The following ATAD2B variants were observed in gnomAD, a reference collection of about 807,000 sequenced individuals.
ATAD2B encodes ATPase family AAA domain containing 2B.
In ATAD2B, 40 loss-of-function variants were observed where a neutral mutation model predicts 167.6. That is an observed-to-expected ratio of 0.24 (90% CI 0.19 to 0.31). ATAD2B has a LOEUF of 0.31. Ranked by LOEUF, ATAD2B falls within the 10% of genes least tolerant of loss-of-function variation. The pLI is 1.00. For missense variants in ATAD2B, 1,242 were observed against 1,757.2 expected (o/e 0.71, Z 5.24); for synonymous variants, 579 against 596.5 (o/e 0.97, Z 0.43).
chr2:23,766,252 C>A (rs898191541), intron 22 of ATAD2B, among the ~76,000 whole-genome samples: 2 of 152,122 alleles, frequency 1.3e-5, no homozygotes, highest in African/African-American at 4.8e-5. Flanking sequence ...GGAGCCTCTG[C>A]TTCACACTAA....
intron 2 of ATAD2B, among the ~76,000 whole-genome samples, chr2:23,891,632 G>C (rs1002100605): frequency 6.6e-6 from 1 of 151,568 alleles, no homozygotes; most frequent in Non-Finnish European, 1.5e-5. Flanking sequence ...AGCAGTACAG[G>C]CGTGCACCAC....
chr2:23,807,585 G>A (rs948579994), intron 18 of ATAD2B, among the ~76,000 whole-genome samples: 1 of 151,898 alleles, frequency 6.6e-6, no homozygotes, highest in Non-Finnish European at 1.5e-5. Context: ...GGGAGGCCAA[G>A]GCGGGCAGAT....
the ATAD2B span, among the ~76,000 whole-genome samples, chr2:23,722,111 A>T: frequency 6.6e-6 from 1 of 152,228 alleles, no homozygotes; most frequent in Non-Finnish European, 1.5e-5. Flanking sequence ...ATCTTTCCCT[A>T]TGAAACCTAC....
At chr2:23,691,430 C>G in the ATAD2B span, 1 of 570,514 alleles carries the variant, frequency 1.8e-6, no homozygotes, top group South Asian at 2.1e-5. Flanking sequence ...TGATTTGCAT[C>G]TTTTTTTGCA....
chr2:23,849,570 G>A (rs1002547704), intron 13 of ATAD2B, among the ~76,000 whole-genome samples: 6 of 152,162 alleles, frequency 3.9e-5, no homozygotes, highest in African/African-American at 1.4e-4. Context: ...AGTGGCTCAC[G>A]CCTGTAATCC....
chr2:23,760,327 G>A (rs1420463429), intron 24 of ATAD2B, among the ~76,000 whole-genome samples: 3 of 152,120 alleles, frequency 2.0e-5, no homozygotes, highest in Admixed American at 6.6e-5. Flanking sequence ...CCTGGCATGT[G>A]GCAAGAGTAT....
chr2:23,875,451 A>C (rs72788286), intron 8 of ATAD2B, among the ~76,000 whole-genome samples: 18,614 of 152,102 alleles, frequency 0.12, 1,222 homozygotes, highest in Middle Eastern at 0.22. Context: ...GTGAGCCGAG[A>C]CTGCGCCACT....
intron 1 of ATAD2B, among the ~76,000 whole-genome samples, chr2:23,914,696 G>A (rs927134511): frequency 6.6e-5 from 10 of 151,936 alleles, no homozygotes. Flanking sequence ...AAAAAAATTA[G>A]CCGGGCGAGG....
intron 22 of ATAD2B, among the ~76,000 whole-genome samples, chr2:23,777,229 A>G (rs1679278534): frequency 6.6e-6 from 1 of 152,206 alleles, no homozygotes; most frequent in Non-Finnish European, 1.5e-5. Flanking sequence ...AACTGTGAGA[A>G]AATTAATTTC....
chr2:23,872,480 CT>C, intron 8 of ATAD2B: 1 of 753,600 alleles, frequency 1.3e-6, no homozygotes, highest in Non-Finnish European at 2.4e-6. Flanking sequence ...CATTTCCCCT[CT>C]TTTACCAGGT....
At chr2:23,834,154 T>TTA in intron 13 of ATAD2B, 76 bp from the exon 14 acceptor site, 2 of 448,532 alleles carry the variant, frequency 4.5e-6, no homozygotes, top group Non-Finnish European at 6.3e-6. Context: ...CAGTCTTTCT[T>TTA]TTTTTTTTTT....
rs748730709 is a variant in ATAD2B at position 23,819,858 on chromosome 2, T to C, written c.2156A>G (p.Asp719Gly). ...TGATAAAGCATTTTCATCTTCACTA[T>C]CCTCTAAAATTAAAGTTTCTATATC... ...KEDIETLILE[D>G]SEDENALSIF... is the part of the protein sequence containing the mutation. The change falls in exon 17 of 28, where the codon GAT (aspartate) becomes GGT (glycine). Residue 719 changes from aspartate to glycine, a missense_variant. Asp to Gly is a moderately conservative substitution (Grantham distance 94, BLOSUM62 -1). Transcript: ENST00000238789. The C allele has an allele frequency of 1.3e-6, 2 of 1,583,072 alleles. No individual in the cohort carries two copies. The highest frequency in any genetic ancestry group is 2.2e-5 in the East Asian group (1 of 44,574).
chr2:23,720,016 A>C, the ATAD2B span, among the ~76,000 whole-genome samples: 1 of 152,156 alleles, frequency 6.6e-6, no homozygotes, highest in Non-Finnish European at 1.5e-5. Flanking sequence ...CCTCATTTGA[A>C]AGGGCAGCTC....
chr2:23,709,007 A>T, the ATAD2B span, among the ~76,000 whole-genome samples: 7 of 152,218 alleles, frequency 4.6e-5, no homozygotes, highest in African/African-American at 1.7e-4. Context: ...CTCCAGGAAG[A>T]GGAATACAGG....
chr2:23,844,011 T>C (rs1391408838), intron 13 of ATAD2B, among the ~76,000 whole-genome samples: 1 of 152,176 alleles, frequency 6.6e-6, no homozygotes, highest in Non-Finnish European at 1.5e-5. Context: ...TCATCTCAGC[T>C]CACCGCAACC....
At chr2:23,737,817 T>C in the ATAD2B span, among the ~76,000 whole-genome samples, 1 of 151,976 alleles carries the variant, frequency 6.6e-6, no homozygotes, top group South Asian at 2.1e-4. Flanking sequence ...ATTAGATGAA[T>C]GGATAACTAG....
At chr2:23,794,276 C>CTG (rs1202747035) in intron 19 of ATAD2B, among the ~76,000 whole-genome samples, 2 of 152,244 alleles carry the variant, frequency 1.3e-5, no homozygotes, top group African/African-American at 4.8e-5. Flanking sequence ...TTTCAAAGTG[C>CTG]TGGGATTACA....
chr2:23,813,309 A>ATTT (rs10659832), intron 17 of ATAD2B, among the ~76,000 whole-genome samples: 138,949 of 148,400 alleles, frequency 0.94, 65,130 homozygotes, highest in East Asian at 0.99. Context: ...CATATAAATT[A>ATTT]TGTTGTTATT....
At chr2:23,841,098 A>ATTTTTTTT (rs572061183) in intron 13 of ATAD2B, among the ~76,000 whole-genome samples, 1 of 117,172 alleles carries the variant, frequency 8.5e-6, no homozygotes, top group African/African-American at 3.1e-5. Context: ...ATGCATGGCT[A>ATTTTTTTT]TTTTTTTTTT....
Sources: allele counts gnomAD v4.1 joint callset (sites outside exome capture counted in the v4.1 genomes callset), GRCh38; gene constraint gnomAD v4.1.1; transcripts MANE v1.5; gene names NCBI Gene and HGNC (gene_info 2026-07-23, HGNC 2026-07-21).